The following YJEFN3 variants were observed in gnomAD, a reference collection of about 807,000 sequenced individuals.
The protein encoded by YJEFN3 is YjeF N-terminal domain containing 3.
YJEFN3 carries 29 observed loss-of-function variants against 31.5 expected under a neutral mutation model. The observed-to-expected ratio is 0.92, with a 90% CI of 0.69 to 1.26. The LOEUF (loss-of-function observed/expected upper bound fraction) is 1.26. Among genes scored for constraint, YJEFN3 ranks in the 50% most tolerant of loss-of-function variants. YJEFN3 has a pLI of 0.00. For missense variants in YJEFN3, 442 were observed against 425.4 expected (o/e 1.04, Z -0.34); for synonymous variants, 227 against 196.1 (o/e 1.16, Z -1.32).
chr19:19,533,605 C>T, intron 3 of YJEFN3: 1 of 932,862 alleles, frequency 1.1e-6, no homozygotes, highest in Non-Finnish European at 1.3e-6. Flanking sequence ...CTACCTCCTC[C>T]CCATCCTCCT....
intron 6 of YJEFN3, among the ~76,000 whole-genome samples, chr19:19,536,397 G>A (rs768524798): frequency 4.6e-5 from 7 of 152,154 alleles, no homozygotes; most frequent in Non-Finnish European, 1.0e-4. Context: ...AAGAGGTGAC[G>A]GAGGCTGGGT....
chr19:19,532,750 C>G lies in YJEFN3; in HGVS notation c.318+10C>G, dbSNP rs778247075. 10 of 1,544,338 alleles carry G rather than the reference C, an allele frequency of 6.5e-6. No individual in the cohort carries two copies. Among genetic ancestry groups the G allele is most frequent in the Non-Finnish European group, 8.7e-6 (10 of 1,146,932 alleles). On this transcript the variant is annotated intron_variant, in intron 3 of 6. Transcript: ENST00000514277. Reference sequence around the variant, plus strand: ...CGTGGCTGTGACCAAGGTACCTGACCCCTGACCCCCAACCCTGACCCCAAC... The same window carrying G: ...CGTGGCTGTGACCAAGGTACCTGACGCCTGACCCCCAACCCTGACCCCAAC...
intron 2 of YJEFN3, among the ~76,000 whole-genome samples, chr19:19,530,811 GCT>G (rs1029748297): frequency 5.3e-5 from 8 of 152,148 alleles, no homozygotes; most frequent in Non-Finnish European, 1.0e-4. Context: ...TTTGAATTTG[GCT>G]CTGTTTACTG....
At chr19:19,531,633 T>C (rs962354128) in intron 2 of YJEFN3, among the ~76,000 whole-genome samples, 1 of 147,572 alleles carries the variant, frequency 6.8e-6, no homozygotes, top group Non-Finnish European at 1.5e-5. Flanking sequence ...CTCCGAGAGG[T>C]GGAGACGGAC....
At chr19:19,530,708 G>GC (rs536811794) in intron 2 of YJEFN3, among the ~76,000 whole-genome samples, 24 of 152,120 alleles carry the variant, frequency 1.6e-4, no homozygotes, top group Non-Finnish European at 2.6e-4. Context: ...GCGCTGGCCT[G>GC]CCCCGGGGGG....
rs2061169904 is a variant in YJEFN3 at position 19,532,683 on chromosome 19, T to A, written c.261T>A (p.Phe87Leu). The A allele has an allele frequency of 6.3e-7, 1 of 1,576,938 alleles. No individual in the cohort carries two copies. The highest frequency in any genetic ancestry group is 1.3e-5 in the African/African-American group (1 of 74,180). ...LERELLEDYR[F>L]GRQQLVELCG... The stretch of plus-strand genomic sequence containing the variant: ...GGGAGCTGCTGGAGGATTATCGCTT[T>A]GGGCGGCAGCAGCTCGTGGAGCTGT... The change falls in exon 3 of 7, where the codon TTT becomes TTA. Residue 87 changes from phenylalanine (F) to leucine (L), a missense_variant. Phe to Leu is a conservative substitution (Grantham distance 22). Transcript: ENST00000514277.
intron 3 of YJEFN3, chr19:19,533,559 C>T (rs916765812): frequency 4.0e-6 from 3 of 743,180 alleles, no homozygotes; most frequent in Admixed American, 6.4e-5. Flanking sequence ...CTCCTCCTCC[C>T]CCTCCTCCTG....
rs1683253785 is a variant in YJEFN3 at position 19,535,607 on chromosome 19, G to T, written c.622G>T (p.Gly208Cys). 1.9e-6 allele frequency: 3 copies of T among 1,586,134 alleles called. No individual in the cohort carries two copies. The highest frequency in any genetic ancestry group is 2.6e-6 in the Non-Finnish European group (3 of 1,165,960). Residue 208 changes from glycine (G) to cysteine (C), a missense_variant, in exon 6 of 7, where the codon GGC becomes TGC. By Grantham distance (159) the Gly-to-Cys change is radical. Transcript: ENST00000514277. ...GPGVEPGEVGGPCTRALATLK... is the reference protein window; with the variant it reads ...GPGVEPGEVGCPCTRALATLK... ...CGGCGTGGAGCCGGGCGAGGTCGGG[G>T]GCCCCTGCACCCGCGCGCTGGCCAC...
intron 2 of YJEFN3, among the ~76,000 whole-genome samples, chr19:19,531,217 A>G (rs2061152770): frequency 6.6e-6 from 1 of 152,178 alleles, no homozygotes; most frequent in Non-Finnish European, 1.5e-5. Context: ...CTCAGGATTC[A>G]TCCCCTCAAA....
chr19:19,529,993 T>C (rs942847474), intron 2 of YJEFN3, among the ~76,000 whole-genome samples: 2 of 152,144 alleles, frequency 1.3e-5, no homozygotes, highest in African/African-American at 2.4e-5. Flanking sequence ...ATGTTGAGTT[T>C]TGGGGGCAGG....
At chr19:19,531,555 A>T (rs1317653250) in intron 2 of YJEFN3, among the ~76,000 whole-genome samples, 1 of 151,886 alleles carries the variant, frequency 6.6e-6, no homozygotes, top group Non-Finnish European at 1.5e-5. Context: ...CACCGGGATT[A>T]CAGGTGTCCA....
At position 19,535,396 on chromosome 19, in the gene YJEFN3, G is replaced by GACC; in HGVS notation, c.493_495dup (p.Thr165dup). On this transcript the variant is annotated inframe_insertion, in exon 5 of 7. Coordinates refer to ENST00000514277, the MANE Select transcript of YJEFN3 (RefSeq NM_198537.4). Reference sequence around the variant, plus strand: ...CGCTGGACCTGCTGCATCGGGACCTGACCACCCAGTGCGAGAAGATGGACA... The same window carrying GACC: ...CGCTGGACCTGCTGCATCGGGACCTGACCACCACCCAGTGCGAGAAGATGGACA... 6.2e-7 allele frequency: 1 copy of GACC among 1,613,976 alleles called. No homozygotes were observed. Among genetic ancestry groups the GACC allele is most frequent in the Non-Finnish European group, 8.5e-7 (1 of 1,179,988 alleles).
chr19:19,528,958 C>A lies in YJEFN3; in HGVS notation c.26C>A (p.Pro9Gln). ...ATGAGCAGCGCAGCCGGCCCAGACC[C>A]GTCGGAGGCGCCCGAAGAGCGGCAT... Reference protein sequence around the residue: MSSAAGPDPSEAPEERHFL... With the variant: MSSAAGPDQSEAPEERHFL... Residue 9 changes from proline (P) to glutamine (Q), a missense_variant, in exon 1 of 7, where the codon CCG (proline) becomes CAG (glutamine). By Grantham distance (76) the Pro-to-Gln change is moderately conservative (BLOSUM62 -1). Transcript: ENST00000514277. 6.5e-7 allele frequency: 1 copy of A among 1,549,930 alleles called. No homozygotes were observed. The highest frequency in any genetic ancestry group is 1.4e-5 in the African/African-American group (1 of 73,154).
chr19:19,535,281 G>T, intron 4 of YJEFN3, 56 bp from the exon 5 acceptor site: 3 of 1,567,794 alleles, frequency 1.9e-6, no homozygotes, highest in Non-Finnish European at 1.7e-6. Flanking sequence ...CCCAGGCAGG[G>T]TCTGGTGCTG....
intron 2 of YJEFN3, among the ~76,000 whole-genome samples, chr19:19,532,212 C>T (rs1336323247): frequency 1.3e-5 from 2 of 152,236 alleles, no homozygotes; most frequent in Admixed American, 6.5e-5. Flanking sequence ...CGTCCTGAAG[C>T]TTGTTCCGTG....
chr19:19,532,031 C>A (rs542432055), intron 2 of YJEFN3, among the ~76,000 whole-genome samples: 2 of 152,008 alleles, frequency 1.3e-5, no homozygotes, highest in South Asian at 4.1e-4. Context: ...TGAGGCACCG[C>A]GCCCGGCCTG....
At chr19:19,532,834 A>G (rs1269543005) in intron 3 of YJEFN3, 94 bp downstream of exon 3, 1 of 1,172,090 alleles carries the variant, frequency 8.5e-7, no homozygotes, top group African/African-American at 1.6e-5. Flanking sequence ...TCACCCCTCA[A>G]GAACTCCCTT....
chr19:19,532,335 G>C (rs932282724), intron 2 of YJEFN3, among the ~76,000 whole-genome samples: 1 of 152,228 alleles, frequency 6.6e-6, no homozygotes, highest in East Asian at 1.9e-4. Flanking sequence ...CCGGTTCCGT[G>C]TCCCACGCTT....
rs1260097877 is a variant in YJEFN3, at chr19:19,537,523, G to T, written c.899G>T (p.Ter300LeuextTer?). ...GGCACCGACTGCGTCGCGGCACTGTGACCGCCACCCGCGGCCACACCGCAG... is the reference window on the plus strand; with the variant it reads ...GGCACCGACTGCGTCGCGGCACTGTTACCGCCACCCGCGGCCACACCGCAG... ...YTGTDCVAAL[*>L] The change falls in exon 7 of 7, where the codon TGA becomes TTA. Residue 300 changes from the stop codon to leucine (L), a stop_lost. Transcript: ENST00000514277. 1 of 1,555,012 alleles carries T rather than the reference G, an allele frequency of 6.4e-7. No individual in the cohort carries two copies. The highest frequency in any genetic ancestry group is 2.3e-5 in the East Asian group (1 of 43,426).
Sources: allele counts gnomAD v4.1 joint callset (sites outside exome capture counted in the v4.1 genomes callset), GRCh38; gene constraint gnomAD v4.1.1; transcripts MANE v1.5; gene names NCBI Gene and HGNC (gene_info 2026-07-23, HGNC 2026-07-21).